Variants in DLGAP2 observed in about 807,000 individuals in gnomAD.
The protein encoded by DLGAP2 is DLG associated protein 2.
Under a neutral mutation model 100.3 loss-of-function variants are expected in DLGAP2, and 26 were observed. The observed-to-expected ratio is 0.26, with a 90% CI of 0.19 to 0.36. The LOEUF is 0.36. DLGAP2 is among the 10% of genes least tolerant of loss of function. The pLI, the probability that DLGAP2 is intolerant of heterozygous loss-of-function variation, is 1.00. For synonymous variants in DLGAP2, 886 were observed against 630.1 expected (o/e 1.41, Z -6.08); for missense variants, 1,858 against 1,453.2 (o/e 1.28, Z -4.53).
At chr8:1,541,723 C>G (rs1168247663) in intron 4 of DLGAP2, among the ~76,000 whole-genome samples, 1 of 152,220 alleles carries the variant, frequency 6.6e-6, no homozygotes, top group Non-Finnish European at 1.5e-5. Context: ...CTTTCCTCAG[C>G]AGTTATCTGG....
Position 1,288,211 on chromosome 8 carries a change from G to C in DLGAP2, c.106+29328G>C, listed in dbSNP as rs1220334463. On this transcript the variant is annotated intron_variant, in intron 3 of 14. Transcript: ENST00000637795. ...GTTGAGTGTGTGTGTGTGTGTGTGT[G>C]TGTGTGGTTAGGAGGGGAACTAGTT... Among the ~76,000 whole-genome samples, 37 of 139,658 alleles carry C rather than the reference G, an allele frequency of 2.6e-4. 1 individual carries two copies. The highest frequency in any genetic ancestry group is 1.4e-3 in the Admixed American group (19 of 14,034). 91.6% of individuals were successfully genotyped at this position (139,658 alleles called of 152,430 possible).
At position 1,438,169 on chromosome 8, in the gene DLGAP2, T is replaced by C. The variant is rs1416731879; in HGVS notation, c.107-63197T>C. ...AGTGCTCCCATCGTGTGGGTGTGGT[T>C]ACGAGGGGCAACCAGCGCTAGCCAC... On this transcript the variant is annotated intron_variant, in intron 3 of 14. Coordinates refer to ENST00000637795, the MANE Select transcript of DLGAP2 (RefSeq NM_001346810.2). Among the ~76,000 whole-genome samples, 4 of 152,272 alleles carry C rather than the reference T, an allele frequency of 2.6e-5. No homozygotes were observed. In the East Asian group the frequency reaches 7.7e-4, roughly 29 times the overall value.
chr8:1,443,428 C>A (rs1039967232), intron 3 of DLGAP2, among the ~76,000 whole-genome samples: 1 of 152,198 alleles, frequency 6.6e-6, no homozygotes, highest in Admixed American at 6.5e-5. Flanking sequence ...GGGTTTATTT[C>A]TGCCAGTTTC....
chr8:1,463,363 A>T (rs1798514731), intron 3 of DLGAP2, among the ~76,000 whole-genome samples: 1 of 152,240 alleles, frequency 6.6e-6, no homozygotes, highest in Non-Finnish European at 1.5e-5. Flanking sequence ...CGTGTGTCAT[A>T]AAATACATAT....
chr8:1,213,947 G>C (rs4492405), intron 2 of DLGAP2, among the ~76,000 whole-genome samples: 15,091 of 152,030 alleles, frequency 0.099, 1,564 homozygotes, highest in African/African-American at 0.27. Context: ...TGAGGTTGAC[G>C]GTGTAATTTC....
chr8:1,125,579 A>T (rs74516112), intron 2 of DLGAP2, among the ~76,000 whole-genome samples: 72 of 152,310 alleles, frequency 4.7e-4, no homozygotes, highest in African/African-American at 1.6e-3. Flanking sequence ...TTGCGATCTA[A>T]TCTGATTCAA....
At chr8:968,593 G>A (rs895356185) in intron 2 of DLGAP2, among the ~76,000 whole-genome samples, 4 of 152,174 alleles carry the variant, frequency 2.6e-5, no homozygotes, top group South Asian at 2.1e-4. Context: ...CCAAGCCAGC[G>A]CCATGAGTGC....
chr8:935,718 C>T (rs1799055621), intron 2 of DLGAP2, among the ~76,000 whole-genome samples: 1 of 152,158 alleles, frequency 6.6e-6, no homozygotes, highest in Non-Finnish European at 1.5e-5. Flanking sequence ...ACCCCAGCAG[C>T]CCAGGAGCCG....
intron 1 of DLGAP2, among the ~76,000 whole-genome samples, chr8:865,781 C>T (rs1346992102): frequency 2.0e-5 from 3 of 152,292 alleles, no homozygotes; most frequent in South Asian, 2.1e-4. Flanking sequence ...GATGGACCTT[C>T]GTGTACATTC....
intron 2 of DLGAP2, among the ~76,000 whole-genome samples, chr8:1,153,699 C>A (rs1796734290): frequency 1.3e-5 from 2 of 152,194 alleles, no homozygotes; most frequent in South Asian, 4.1e-4. Context: ...GCTTTTCCTG[C>A]ATTGCCAGAC....
intron 3 of DLGAP2, among the ~76,000 whole-genome samples, chr8:1,316,069 G>T (rs1367874322): frequency 7.4e-6 from 1 of 135,848 alleles, no homozygotes; most frequent in Non-Finnish European, 1.6e-5. Flanking sequence ...GTGTGTGAGT[G>T]CAGCGTCTCT....
At chr8:1,271,874 GTGCAACCTCAGCTCAC>G (rs1242112520) in intron 3 of DLGAP2, among the ~76,000 whole-genome samples, 1 of 152,162 alleles carries the variant, frequency 6.6e-6, no homozygotes, top group Non-Finnish European at 1.5e-5. Context: ...GAGTTCAGTG[GTGCAACCTCAGCTCAC>G]TGCAACCTCC....
rs1399372899 is a variant in DLGAP2, at chr8:1,037,553, TC to T, written c.73+129590del. On this transcript the variant is annotated intron_variant, in intron 2 of 14. Coordinates refer to ENST00000637795, the MANE Select transcript of DLGAP2 (RefSeq NM_001346810.2). ...TGTCAGCTGCATCATCTGCTGTCCC[TC>T]CCGGCATCACCTGCACTTTATCCTC... 2.0e-5 allele frequency among the ~76,000 whole-genome samples: 3 copies of T among 152,346 alleles called. No homozygotes were observed. In the East Asian group the frequency reaches 5.8e-4, roughly 29 times the overall value.
At chr8:1,025,238 A>G (rs1425121762) in intron 2 of DLGAP2, among the ~76,000 whole-genome samples, 2 of 152,180 alleles carry the variant, frequency 1.3e-5, no homozygotes, top group Admixed American at 6.5e-5. Context: ...ACTTCCAAAC[A>G]AGCAAACACG....
intron 2 of DLGAP2, among the ~76,000 whole-genome samples, chr8:1,053,180 A>G (rs1439849022): frequency 3.9e-5 from 6 of 152,208 alleles, no homozygotes. Context: ...TCAAAATAGA[A>G]GCGCGGATGT....
chr8:1,326,200 G>C (rs1198592372), intron 3 of DLGAP2, among the ~76,000 whole-genome samples: 1 of 152,170 alleles, frequency 6.6e-6, no homozygotes, highest in Non-Finnish European at 1.5e-5. Context: ...TTTACCATTT[G>C]TCTTTATACT....
intron 3 of DLGAP2, among the ~76,000 whole-genome samples, chr8:1,273,321 G>A (rs980199586): frequency 1.3e-5 from 2 of 152,160 alleles, no homozygotes; most frequent in African/African-American, 4.8e-5. Context: ...CCCTGCTGGG[G>A]ACTTGAGTCC....
At chr8:1,386,546 G>T (rs34245549) in intron 3 of DLGAP2, among the ~76,000 whole-genome samples, 36,560 of 152,042 alleles carry the variant, frequency 0.24, 4,796 homozygotes, top group Non-Finnish European at 0.29. Context: ...GCACACCACC[G>T]GCCAGATGTG....
intron 8 of DLGAP2, among the ~76,000 whole-genome samples, chr8:1,666,671 C>T (rs1466968485): frequency 6.6e-6 from 1 of 150,534 alleles, no homozygotes; most frequent in African/African-American, 2.5e-5. Flanking sequence ...CAGAGAAAGA[C>T]TCCATCTCAA....
Sources: gnomAD v4.1 joint callset for allele counts (sites outside exome capture counted in the v4.1 genomes callset) on GRCh38, gnomAD v4.1.1 for gene constraint, MANE v1.5 for transcripts, NCBI Gene and HGNC (gene_info 2026-07-23, HGNC 2026-07-21) for gene names.